The following CACNA2D3 variants were observed in gnomAD, a reference collection of about 807,000 sequenced individuals.
CACNA2D3 encodes voltage-dependent calcium channel subunit alpha-2/delta-3.
Under a neutral mutation model 160.6 loss-of-function variants are expected in CACNA2D3, and 60 were observed. The observed-to-expected ratio is 0.37, with a 90% CI of 0.30 to 0.46. The LOEUF (loss-of-function observed/expected upper bound fraction) is 0.46, where lower values mean the gene tolerates loss of function less well. Ranked by LOEUF, CACNA2D3 falls within the 20% of genes least tolerant of loss-of-function variation. The pLI, the probability that CACNA2D3 is intolerant of heterozygous loss-of-function variation, is 1.00. For synonymous variants in CACNA2D3, 558 were observed against 492.9 expected (o/e 1.13, Z -1.75); for missense variants, 1,205 against 1,365.0 (o/e 0.88, Z 1.85).
At chr3:54,822,732 TTC>T (rs1402249299) in intron 14 of CACNA2D3, among the ~76,000 whole-genome samples, 1 of 34,624 alleles carries the variant, frequency 2.9e-5, no homozygotes, top group Non-Finnish European at 5.5e-5. Context: ...CTTTTTTATT[TTC>T]TTTCTTTCTT....
intron 35 of CACNA2D3, 36 bp from the exon 36 acceptor site, chr3:55,073,409 G>A (rs1321766643): frequency 6.7e-7 from 1 of 1,492,192 alleles, no homozygotes. Context: ...ATTGACGGAT[G>A]GTAAATGACT....
chr3:54,145,294 A>G (rs1700003642), intron 2 of CACNA2D3, among the ~76,000 whole-genome samples: 1 of 152,236 alleles, frequency 6.6e-6, no homozygotes, highest in African/African-American at 2.4e-5. Flanking sequence ...ATATTTGCAG[A>G]TGCGAAGTTG....
chr3:54,834,810 G>A (rs1347214795), intron 14 of CACNA2D3, among the ~76,000 whole-genome samples: 1 of 152,190 alleles, frequency 6.6e-6, no homozygotes, highest in African/African-American at 2.4e-5. Context: ...TCTGAAATCT[G>A]CAAGGCAGGC....
chr3:54,917,890 G>C (rs17054552), intron 27 of CACNA2D3, among the ~76,000 whole-genome samples: 12,652 of 152,134 alleles, frequency 0.083, 588 homozygotes, highest in Middle Eastern at 0.14. Flanking sequence ...AATAGACTTT[G>C]ACTCTTGTGG....
chr3:54,450,967 TC>T (rs1372831728), intron 4 of CACNA2D3, among the ~76,000 whole-genome samples: 1 of 152,062 alleles, frequency 6.6e-6, no homozygotes, highest in Non-Finnish European at 1.5e-5. Context: ...GGATAGACAT[TC>T]CTACTCCAAA....
intron 2 of CACNA2D3, among the ~76,000 whole-genome samples, chr3:54,299,307 T>G (rs564265502): frequency 1.2e-4 from 19 of 152,152 alleles, no homozygotes; most frequent in African/African-American, 4.3e-4. Context: ...GGTCCAGGAC[T>G]GTGTACCGTG....
At chr3:54,132,564 A>G (rs974541479) in intron 2 of CACNA2D3, among the ~76,000 whole-genome samples, 2 of 152,250 alleles carry the variant, frequency 1.3e-5, no homozygotes, top group African/African-American at 4.8e-5. Flanking sequence ...ATTTCCTGGA[A>G]CGGGAATTTC....
At chr3:54,356,075 A>G (rs1276175316) in intron 3 of CACNA2D3, among the ~76,000 whole-genome samples, 2 of 117,138 alleles carry the variant, frequency 1.7e-5, no homozygotes, top group Admixed American at 2.4e-4. Flanking sequence ...GGCTGACGTA[A>G]TCTGTGATGA....
intron 11 of CACNA2D3, among the ~76,000 whole-genome samples, chr3:54,712,030 A>G (rs1278959718): frequency 6.6e-6 from 1 of 152,200 alleles, no homozygotes; most frequent in Non-Finnish European, 1.5e-5. Flanking sequence ...GAGAAGGCCT[A>G]CTATTATAAG....
At chr3:54,149,481 AG>A (rs1559863066) in intron 2 of CACNA2D3, among the ~76,000 whole-genome samples, 1 of 152,152 alleles carries the variant, frequency 6.6e-6, no homozygotes, top group Non-Finnish European at 1.5e-5. Context: ...GGGGACTTTC[AG>A]GATCCCTGAA....
intron 5 of CACNA2D3, among the ~76,000 whole-genome samples, chr3:54,554,445 A>G (rs1259375024): frequency 3.9e-5 from 6 of 152,218 alleles, no homozygotes; most frequent in African/African-American, 1.4e-4. Flanking sequence ...AATTTAAGGA[A>G]GAGAGAAAGA....
At chr3:54,366,787 C>T (rs1025772345) in intron 3 of CACNA2D3, among the ~76,000 whole-genome samples, 17 of 152,300 alleles carry the variant, frequency 1.1e-4, no homozygotes, top group African/African-American at 4.1e-4. Flanking sequence ...TCCTCCTTTG[C>T]CCAGATGCCT....
chr3:54,633,149 G>A (rs1236323428), intron 10 of CACNA2D3, among the ~76,000 whole-genome samples: 1 of 152,178 alleles, frequency 6.6e-6, no homozygotes, highest in African/African-American at 2.4e-5. Flanking sequence ...TAAAAGGGAT[G>A]GAGGAAGTAG....
At chr3:54,997,551 C>A (rs1013897046) in intron 31 of CACNA2D3, among the ~76,000 whole-genome samples, 2 of 147,316 alleles carry the variant, frequency 1.4e-5, no homozygotes, top group Admixed American at 6.8e-5. Context: ...TCTCTACCCA[C>A]CCCCACCCAA....
At chr3:54,777,462 G>C (rs1002735660) in intron 13 of CACNA2D3, among the ~76,000 whole-genome samples, 1 of 152,170 alleles carries the variant, frequency 6.6e-6, no homozygotes, top group Non-Finnish European at 1.5e-5. Flanking sequence ...TTTCTCTCTT[G>C]TTCTGAACAA....
At chr3:54,822,066 G>T (rs1277050571) in intron 14 of CACNA2D3, among the ~76,000 whole-genome samples, 1 of 152,066 alleles carries the variant, frequency 6.6e-6, no homozygotes, top group African/African-American at 2.4e-5. Context: ...TGACTCATTT[G>T]CTTTTACCTG....
chr3:54,778,601 T>G (rs1409003012), intron 13 of CACNA2D3, among the ~76,000 whole-genome samples: 2 of 152,170 alleles, frequency 1.3e-5, no homozygotes, highest in African/African-American at 4.8e-5. Flanking sequence ...TATTAAGAAG[T>G]CCAAATAAAC....
chr3:54,946,334 T>C (rs1377930643), intron 27 of CACNA2D3, among the ~76,000 whole-genome samples: 1 of 152,146 alleles, frequency 6.6e-6, no homozygotes, highest in African/African-American at 2.4e-5. Context: ...ACCACCACAA[T>C]GGTTATTGGT....
intron 11 of CACNA2D3, among the ~76,000 whole-genome samples, chr3:54,732,942 G>C (rs1462870432): frequency 6.6e-6 from 1 of 152,262 alleles, no homozygotes; most frequent in African/African-American, 2.4e-5. Context: ...ACAGCTTTGA[G>C]TGGCTTGTAC....
Sources: gnomAD v4.1 joint callset for allele counts (sites outside exome capture counted in the v4.1 genomes callset) on GRCh38, gnomAD v4.1.1 for gene constraint, MANE v1.5 for transcripts, NCBI Gene and HGNC (gene_info 2026-07-23, HGNC 2026-07-21) for gene names.